Variants in SRPX observed in about 807,000 individuals in gnomAD.
SRPX encodes the protein sushi repeat-containing protein SRPX.
Under a neutral mutation model 38.1 loss-of-function variants are expected in SRPX, and 24 were observed. The observed-to-expected ratio is 0.63, with a 90% CI of 0.46 to 0.89. The LOEUF is 0.89. Among genes scored for constraint, SRPX ranks in the 40% least tolerant of loss-of-function variants. SRPX has a pLI of 0.00. For missense variants in SRPX, 416 were observed against 377.8 expected, an observed-to-expected ratio of 1.10 and a Z score of -0.84; for synonymous variants, 184 against 153.8, an observed-to-expected ratio of 1.20 and a Z score of -1.45.
intron 1 of SRPX, among the ~76,000 whole-genome samples, chrX:38,209,750 C>A (rs981199277): frequency 8.9e-6 from 1 of 112,580 alleles, no homozygotes; most frequent in South Asian, 3.7e-4. Flanking sequence ...GCTTTCTTTA[C>A]ATTTGAATAC....
intron 3 of SRPX, among the ~76,000 whole-genome samples, chrX:38,173,455 T>C (rs1938512357): frequency 9.0e-6 from 1 of 110,788 alleles, no homozygotes; most frequent in African/African-American, 3.3e-5. Flanking sequence ...ACTTTTTTTT[T>C]CTTTTTTTTT....
chrX:38,173,353 C>T (rs1257472523), intron 3 of SRPX, among the ~76,000 whole-genome samples: 2 of 112,222 alleles, frequency 1.8e-5, no homozygotes, highest in African/African-American at 6.5e-5. Context: ...CTCCTCTAAG[C>T]TTCTCCCTTG....
intron 3 of SRPX, among the ~76,000 whole-genome samples, chrX:38,173,328 G>A (rs913184137): frequency 1.8e-5 from 2 of 112,316 alleles, no homozygotes; most frequent in Non-Finnish European, 3.8e-5. Flanking sequence ...CTAAAAGCCA[G>A]CCCCTGAAAT....
intron 5 of SRPX, 86 bp from the exon 6 acceptor site, chrX:38,161,140 G>C: frequency 9.5e-7 from 1 of 1,051,519 alleles, no homozygotes; most frequent in Non-Finnish European, 1.3e-6. Flanking sequence ...ACAGGACATG[G>C]AGAGACTGAG....
chrX:38,182,392 T>C (rs945248986), intron 1 of SRPX, among the ~76,000 whole-genome samples: 2 of 110,889 alleles, frequency 1.8e-5, no homozygotes, highest in African/African-American at 6.6e-5. Flanking sequence ...ATGCCAAGAG[T>C]GGGTCCCACA....
chrX:38,158,017 C>T (rs185137317), intron 7 of SRPX, among the ~76,000 whole-genome samples: 136 of 112,152 alleles, frequency 1.2e-3, no homozygotes, highest in African/African-American at 4.2e-3. Context: ...CAGTTAATTG[C>T]AGTAAGTAGC....
intron 1 of SRPX, among the ~76,000 whole-genome samples, chrX:38,195,866 A>T (rs1938990629): frequency 8.9e-6 from 1 of 111,885 alleles, no homozygotes; most frequent in Non-Finnish European, 1.9e-5. Flanking sequence ...GAGTAACGAG[A>T]TCCCAGCTGG....
At chrX:38,164,917 T>A (rs1938337429) in intron 4 of SRPX, 22 bp from the exon 5 acceptor site, 7 of 1,200,162 alleles carry the variant, frequency 5.8e-6, no homozygotes, top group Non-Finnish European at 7.9e-6. Flanking sequence ...ACCAAAACAT[T>A]CTCATCATCA....
intron 1 of SRPX, among the ~76,000 whole-genome samples, chrX:38,208,425 A>G (rs1939253236): frequency 9.0e-6 from 1 of 111,609 alleles, no homozygotes; most frequent in Non-Finnish European, 1.9e-5. Context: ...TGCCATATGT[A>G]CTCTTTTGTG....
At position 38,156,934 on chromosome X, in the gene SRPX, G is replaced by A. The variant is rs756523506; in HGVS notation, c.1051C>T (p.Arg351Ter). Residue 351 changes from arginine (R) to a stop codon, truncating the protein, a stop_gained, in exon 8 of 10, where the codon CGA becomes TGA. Coordinates refer to ENST00000378533, the MANE Select transcript of SRPX (RefSeq NM_006307.5). LOFTEE classifies it high-confidence loss of function. The part of the protein sequence containing the change: ...RLLIVSTPTA[R>*]NLLYRLQLGM... ...AGCTGGAGCCGGTAAAGGAGGTTTCGGGCTGTGGGTGTGGACACAATGAGG... is the reference window on the plus strand; with the variant it reads ...AGCTGGAGCCGGTAAAGGAGGTTTCAGGCTGTGGGTGTGGACACAATGAGG... 2 of 1,209,582 alleles carry A rather than the reference G, an allele frequency of 1.7e-6. No homozygotes were observed. Among genetic ancestry groups the A allele is most frequent in the African/African-American group, 1.7e-5 (1 of 57,177 alleles).
At chrX:38,203,306 A>G (rs1939148675) in intron 1 of SRPX, among the ~76,000 whole-genome samples, 1 of 112,183 alleles carries the variant, frequency 8.9e-6, no homozygotes. Flanking sequence ...AAGGGGATCT[A>G]CAGAAAGCCC....
chrX:38,160,176 T>C lies in SRPX; in HGVS notation c.796A>G (p.Asn266Asp), dbSNP rs773792927. ...KVRVKRCGKLNAPENGYMKCS... is the reference protein window; with the variant it reads ...KVRVKRCGKLDAPENGYMKCS... ...TTCATGTAACCATTCTCTGGGGCATTGAGTTTGCCACAGCGTTTGACTGTA... is the reference window on the plus strand; with the variant it reads ...TTCATGTAACCATTCTCTGGGGCATCGAGTTTGCCACAGCGTTTGACTGTA... Residue 266 changes from asparagine (N) to aspartate (D), a missense_variant, in exon 7 of 10, where the codon AAT becomes GAT. By Grantham distance (23) the Asn-to-Asp change is conservative. Transcript: ENST00000378533. The C allele has an allele frequency of 8.3e-7, 1 of 1,211,538 alleles. No homozygotes were observed.
chrX:38,193,243 T>A (rs1938938874), intron 1 of SRPX, among the ~76,000 whole-genome samples: 1 of 110,801 alleles, frequency 9.0e-6, no homozygotes, highest in Non-Finnish European at 1.9e-5. Flanking sequence ...AAAAGAAAGG[T>A]GGGGAGGGGG....
intron 4 of SRPX, among the ~76,000 whole-genome samples, chrX:38,165,706 T>G (rs941185473): frequency 8.9e-6 from 1 of 112,202 alleles, no homozygotes; most frequent in Non-Finnish European, 1.9e-5. Context: ...CTGCTATCTA[T>G]TATCAACATA....
intron 1 of SRPX, among the ~76,000 whole-genome samples, chrX:38,210,830 G>C (rs762227516): frequency 2.7e-5 from 3 of 111,982 alleles, no homozygotes; most frequent in Non-Finnish European, 3.8e-5. Flanking sequence ...TGAGCCTCGT[G>C]GTGGGGAAGA....
Position 38,160,962 on chromosome X carries a change from C to T in SRPX, c.746G>A (p.Gly249Asp), listed in dbSNP as rs192884939. 26 of 1,207,659 alleles carry T rather than the reference C, an allele frequency of 2.2e-5. No individual in the cohort carries two copies. In the East Asian group the frequency reaches 6.2e-4, roughly 29 times the overall value. ...TACTTTAACTCGAAATTTGCAAGTG[C>T]CCTTATTCTCAGCTCTGTCATAGAC... ...YTVYDRAENK[G>D]TCKFRVKVRV... The change falls in exon 6 of 10, where the codon GGC (glycine) becomes GAC (aspartate). Residue 249 changes from glycine (G) to aspartate (D), a missense_variant. Gly to Asp is a moderately conservative substitution (Grantham distance 94). Coordinates refer to ENST00000378533, the MANE Select transcript of SRPX (RefSeq NM_006307.5).
intron 5 of SRPX, among the ~76,000 whole-genome samples, chrX:38,161,544 G>T (rs1313614087): frequency 9.0e-6 from 1 of 111,489 alleles, no homozygotes; most frequent in African/African-American, 3.3e-5. Context: ...GGACAGTGGA[G>T]ACCTAAAGGC....
At chrX:38,159,232 G>T (rs1938192795) in intron 7 of SRPX, among the ~76,000 whole-genome samples, 1 of 111,971 alleles carries the variant, frequency 8.9e-6, no homozygotes, top group Non-Finnish European at 1.9e-5. Context: ...TCTATAATAG[G>T]TGTGTTCTTT....
chrX:38,199,118 T>C (rs1262750617), intron 1 of SRPX, among the ~76,000 whole-genome samples: 1 of 111,900 alleles, frequency 8.9e-6, no homozygotes, highest in Admixed American at 9.4e-5. Flanking sequence ...TTTAAAACTT[T>C]AGTGTGGGCT....
Sources: allele counts gnomAD v4.1 joint callset (sites outside exome capture counted in the v4.1 genomes callset), GRCh38; gene constraint gnomAD v4.1.1; transcripts MANE v1.5; gene names NCBI Gene and HGNC (gene_info 2026-07-23, HGNC 2026-07-21).